The following ZFHX4 variants were observed in gnomAD, a reference collection of about 807,000 sequenced individuals.
ZFHX4 encodes the protein zinc finger homeobox 4, also known as zinc finger homeobox protein 4.
A neutral mutation model predicts 267.6 loss-of-function variants in ZFHX4; 56 were observed. The ratio of observed to expected loss-of-function variants is 0.21; its 90% CI spans 0.17 to 0.26. The LOEUF is 0.26. Among genes scored for constraint, ZFHX4 ranks in the 10% least tolerant of loss-of-function variants. The pLI is 1.00. For missense variants in ZFHX4, 4,332 were observed against 4,420.0 expected, an observed-to-expected ratio of 0.98 and a Z score of 0.56; for synonymous variants, 1,778 against 1,665.6, an observed-to-expected ratio of 1.07 and a Z score of -1.64.
intron 3 of ZFHX4, among the ~76,000 whole-genome samples, chr8:76,752,530 G>T (rs1809647429): frequency 6.6e-6 from 1 of 151,008 alleles, no homozygotes; most frequent in Admixed American, 6.6e-5. Flanking sequence ...CTTTAGCTGG[G>T]CATGGTGGCA....
At chr8:76,758,402 G>T (rs991977718) in intron 3 of ZFHX4, among the ~76,000 whole-genome samples, 1 of 152,130 alleles carries the variant, frequency 6.6e-6, no homozygotes, top group Non-Finnish European at 1.5e-5. Flanking sequence ...TTTTTACTGG[G>T]TCTTAATATC....
In ZFHX4 at chr8:76,778,375, G is replaced by C. The variant is rs762287941; in HGVS notation, c.3261G>C (p.Leu1087=). The C allele has an allele frequency of 6.2e-7, 1 of 1,613,852 alleles. No homozygotes were observed. The highest frequency in any genetic ancestry group is 8.5e-7 in the Non-Finnish European group (1 of 1,179,820). The part of the protein sequence containing the change: ...LRKLQLHQQG[L]APEEDNLSEI... ...AGCTCCAGCTCCACCAGCAAGGCCT[G>C]GCACCAGAGGAGGACAACCTCAGTG... is the stretch of plus-strand genomic sequence containing the variant. The change falls in exon 4 of 11, where the codon CTG becomes CTC. Residue 1087 remains leucine (L), a synonymous_variant. Coordinates refer to ENST00000651372, the MANE Select transcript of ZFHX4 (RefSeq NM_024721.5).
chr8:76,835,490 T>C (rs548912214), intron 5 of ZFHX4, among the ~76,000 whole-genome samples: 2 of 151,858 alleles, frequency 1.3e-5, no homozygotes, highest in African/African-American at 2.4e-5. Flanking sequence ...CAATGGTATA[T>C]TGGAATACTT....
intron 3 of ZFHX4, among the ~76,000 whole-genome samples, chr8:76,747,106 A>C (rs1015109067): frequency 6.6e-6 from 1 of 152,160 alleles, no homozygotes; most frequent in Non-Finnish European, 1.5e-5. Flanking sequence ...CAAGGAAAAA[A>C]ATGACTATAT....
intron 4 of ZFHX4, among the ~76,000 whole-genome samples, chr8:76,812,294 T>C (rs753040759): frequency 5.3e-5 from 8 of 152,242 alleles, no homozygotes; most frequent in Non-Finnish European, 1.0e-4. Flanking sequence ...TTTTAAATTC[T>C]GTTGCAGATG....
chr8:76,743,799 A>G (rs1563496602), intron 3 of ZFHX4, among the ~76,000 whole-genome samples: 2 of 152,214 alleles, frequency 1.3e-5, no homozygotes, highest in Non-Finnish European at 2.9e-5. Context: ...GAGACTCTTA[A>G]TATTTCAGTA....
intron 3 of ZFHX4, among the ~76,000 whole-genome samples, chr8:76,723,129 GT>G (rs2131642720): frequency 6.6e-6 from 1 of 152,164 alleles, no homozygotes; most frequent in African/African-American, 2.4e-5. Flanking sequence ...TTAAATACCA[GT>G]TTTCAAGTCA....
At chr8:76,746,962 C>T (rs181431366) in intron 3 of ZFHX4, among the ~76,000 whole-genome samples, 218 of 152,174 alleles carry the variant, frequency 1.4e-3, no homozygotes, top group Middle Eastern at 3.4e-3. Context: ...TTGTTTTCAC[C>T]GAATTCTGAC....
intron 3 of ZFHX4, among the ~76,000 whole-genome samples, chr8:76,734,063 A>C (rs1377628430): frequency 4.6e-5 from 7 of 152,154 alleles, no homozygotes; most frequent in Admixed American, 3.9e-4. Context: ...TTATGTGCTA[A>C]TTTAGGGCTT....
chr8:76,715,425 T>C (rs908674460), intron 3 of ZFHX4, among the ~76,000 whole-genome samples: 7 of 134,178 alleles, frequency 5.2e-5, no homozygotes. Flanking sequence ...GAGGTTGCAG[T>C]GAGCCGAGAT....
At chr8:76,845,199 T>A (rs561786925) in intron 6 of ZFHX4, among the ~76,000 whole-genome samples, 1 of 152,094 alleles carries the variant, frequency 6.6e-6, no homozygotes, top group South Asian at 2.1e-4. Context: ...GACGTGGCAA[T>A]ATGCAAGTTA....
At chr8:76,763,689 C>T (rs1376286445) in intron 3 of ZFHX4, among the ~76,000 whole-genome samples, 3 of 151,956 alleles carry the variant, frequency 2.0e-5, no homozygotes, top group Non-Finnish European at 2.9e-5. Flanking sequence ...TGTAAATAAG[C>T]CTTTTTCTAG....
intron 10 of ZFHX4, among the ~76,000 whole-genome samples, chr8:76,857,437 C>A (rs947677886): frequency 2.7e-5 from 4 of 150,132 alleles, no homozygotes; most frequent in Non-Finnish European, 4.4e-5. Context: ...TGAATTTTTA[C>A]ATGAATTTCA....
chr8:76,762,509 A>G (rs768539517), intron 3 of ZFHX4, among the ~76,000 whole-genome samples: 1 of 152,304 alleles, frequency 6.6e-6, no homozygotes, highest in Non-Finnish European at 1.5e-5. Context: ...TAGAATTAGG[A>G]TATGCTAGTA....
intron 1 of ZFHX4, among the ~76,000 whole-genome samples, chr8:76,694,513 C>T (rs111397574): frequency 0.032 from 4,945 of 152,268 alleles, 111 homozygotes; most frequent in Non-Finnish European, 0.045. Context: ...AAATTATGCT[C>T]TGCTGCAGAT....
chr8:76,833,734 A>T, intron 5 of ZFHX4: 1 of 270,012 alleles, frequency 3.7e-6, no homozygotes, highest in Non-Finnish European at 7.2e-6. Context: ...TTGACACAAC[A>T]TTATCACTTG....
chr8:76,801,126 T>G (rs1056929367), intron 4 of ZFHX4, among the ~76,000 whole-genome samples: 1 of 152,096 alleles, frequency 6.6e-6, no homozygotes, highest in Non-Finnish European at 1.5e-5. Flanking sequence ...CTTAATTGAC[T>G]GGAGAGAATG....
chr8:76,719,095 A>G (rs1309293018), intron 3 of ZFHX4, among the ~76,000 whole-genome samples: 1 of 151,692 alleles, frequency 6.6e-6, no homozygotes, highest in Non-Finnish European at 1.5e-5. Flanking sequence ...TTTTCCATAT[A>G]TATCCAAGAA....
chr8:76,762,634 C>T (rs1195466235), intron 3 of ZFHX4, among the ~76,000 whole-genome samples: 1 of 152,158 alleles, frequency 6.6e-6, no homozygotes, highest in East Asian at 1.9e-4. Flanking sequence ...TTACACTACT[C>T]GTCACAGTTC....
Sources: allele counts gnomAD v4.1 joint callset (sites outside exome capture counted in the v4.1 genomes callset), GRCh38; gene constraint gnomAD v4.1.1; transcripts MANE v1.5; gene names NCBI Gene and HGNC (gene_info 2026-07-23, HGNC 2026-07-21).